MYO5C: variants seen among roughly 807,000 people sequenced by gnomAD.
MYO5C encodes the protein myosin VC.
A neutral mutation model predicts 235.7 loss-of-function variants in MYO5C; 194 were observed. The observed-to-expected ratio is 0.82, with a 90% CI of 0.73 to 0.93. MYO5C has a LOEUF of 0.93. MYO5C is among the 40% of genes least tolerant of loss of function. The pLI is 0.00. For missense variants in MYO5C, 2,038 were observed against 2,127.2 expected (o/e 0.96, Z 0.82); for synonymous variants, 707 against 754.8 (o/e 0.94, Z 1.04).
chr15:52,225,736 A>G (rs1322092473), intron 25 of MYO5C, among the ~76,000 whole-genome samples: 1 of 152,122 alleles, frequency 6.6e-6, no homozygotes, highest in Non-Finnish European at 1.5e-5. Context: ...TGCCAGATCT[A>G]ATGGGTTGTA....
In MYO5C at chr15:52,223,620, T is replaced by C. The variant is rs1678677992; in HGVS notation, c.3551A>G (p.Gln1184Arg). ...GTCATTTTCTTCTCTGAATAACTTC[T>C]GCAGGTGGTTGATTTCTTGACTGAG... ...VHLSQEINHL[Q>R]KLFREENDIN... is the part of the protein sequence containing the mutation. Residue 1184 changes from glutamine to arginine, a missense_variant, in exon 29 of 41, where the codon CAG becomes CGG. Gln to Arg is a conservative substitution (Grantham distance 43, BLOSUM62 1). Coordinates refer to ENST00000261839, the MANE Select transcript of MYO5C (RefSeq NM_018728.4). 5 of 1,614,210 alleles carry C rather than the reference T, an allele frequency of 3.1e-6. No homozygotes were observed. The highest frequency in any genetic ancestry group is 1.6e-4 in the Middle Eastern group (1 of 6,062).
chr15:52,252,059 C>A, intron 12 of MYO5C, among the ~76,000 whole-genome samples: 1 of 152,016 alleles, frequency 6.6e-6, no homozygotes, highest in East Asian at 1.9e-4. Context: ...TGACAAATAA[C>A]AATTATATAT....
rs111672313 is a variant in MYO5C at position 52,279,576 on chromosome 15, G to A, written c.237C>T (p.His79=). 2,073 of 1,614,152 alleles carry A rather than the reference G, an allele frequency of 1.3e-3. 3 individuals are homozygous for A. The highest frequency in any genetic ancestry group is 1.6e-3 in the Non-Finnish European group (1,921 of 1,179,984). ...ENDLTALSYL[H]EPAVLHNLRI... The stretch of plus-strand genomic sequence containing the variant: ...TGAGGTTGTGGAGCACCGCGGGCTC[G>A]TGAAGATAGCTGAGAGCCGTGAGGT... Residue 79 remains histidine (H), a synonymous_variant, in exon 3 of 41, where the codon CAC becomes CAT. Coordinates refer to ENST00000261839, the MANE Select transcript of MYO5C (RefSeq NM_018728.4).
At chr15:52,277,130 G>A in intron 4 of MYO5C, 1 of 520,072 alleles carries the variant, frequency 1.9e-6, no homozygotes, top group Non-Finnish European at 4.0e-6. Context: ...CATGCTCAGT[G>A]TCCCTCAGGG....
chr15:52,228,567 A>C (rs2035881331), intron 25 of MYO5C, among the ~76,000 whole-genome samples: 1 of 152,240 alleles, frequency 6.6e-6, no homozygotes, highest in Admixed American at 6.5e-5. Context: ...TTGATGTTAT[A>C]ATTTATGAAT....
At chr15:52,248,818 G>T in intron 13 of MYO5C, 35 bp from the exon 14 acceptor site, 1 of 1,461,260 alleles carries the variant, frequency 6.8e-7, no homozygotes, top group Admixed American at 1.7e-5. Context: ...TTCCCAAAGA[G>T]GCCAAAGAAT....
chr15:52,220,768 A>G (rs2035662203), intron 30 of MYO5C, among the ~76,000 whole-genome samples: 1 of 151,768 alleles, frequency 6.6e-6, no homozygotes, highest in South Asian at 2.1e-4. Context: ...CGGAGGCTCC[A>G]GTGAGCCGAA....
At chr15:52,227,141 ACT>A (rs1367804898) in intron 25 of MYO5C, among the ~76,000 whole-genome samples, 1 of 150,310 alleles carries the variant, frequency 6.7e-6, no homozygotes, top group East Asian at 2.0e-4. Context: ...CAAGAGCAAA[ACT>A]CTGTCTCAAA....
chr15:52,284,831 C>G (rs28679378), intron 1 of MYO5C, among the ~76,000 whole-genome samples: 8,184 of 127,134 alleles, frequency 0.064, 449 homozygotes, highest in African/African-American at 0.15. Flanking sequence ...AATTCTTTTT[C>G]TTTCTTTCTT....
chr15:52,237,865 T>C (rs897971781), intron 21 of MYO5C, among the ~76,000 whole-genome samples: 1 of 152,144 alleles, frequency 6.6e-6, no homozygotes, highest in Non-Finnish European at 1.5e-5. Context: ...GCTATTTTAA[T>C]GTGGGAAGTT....
chr15:52,210,954 G>T (rs2035429141), intron 35 of MYO5C, among the ~76,000 whole-genome samples: 1 of 152,202 alleles, frequency 6.6e-6, no homozygotes, highest in Admixed American at 6.5e-5. Context: ...TGCTCATAAA[G>T]AGTTCAGTTG....
chr15:52,246,638 A>C (rs1056024578), intron 16 of MYO5C, among the ~76,000 whole-genome samples: 1 of 152,196 alleles, frequency 6.6e-6, no homozygotes, highest in Non-Finnish European at 1.5e-5. Context: ...ACAAACACAC[A>C]TACTCATTCT....
chr15:52,234,866 G>T (rs1448049280), intron 23 of MYO5C, among the ~76,000 whole-genome samples: 1 of 152,200 alleles, frequency 6.6e-6, no homozygotes, highest in Non-Finnish European at 1.5e-5. Flanking sequence ...TGGGCTAGAG[G>T]TGCGTGTAGA....
chr15:52,241,048 C>G (rs1566975494), intron 20 of MYO5C, among the ~76,000 whole-genome samples: 1 of 152,292 alleles, frequency 6.6e-6, no homozygotes, highest in East Asian at 1.9e-4. Flanking sequence ...TCACCCTTTT[C>G]TGAGTCTAAA....
In MYO5C at chr15:52,212,607, T is replaced by C. The variant is rs116258412; in HGVS notation, c.4141+581A>G. Among the ~76,000 whole-genome samples the C allele has an allele frequency of 6.6e-3, 1,002 of 152,312 alleles. 15 individuals are homozygous for C. The highest frequency in any genetic ancestry group is 0.023 in the African/African-American group (958 of 41,556). On this transcript the variant is annotated intron_variant, in intron 34 of 40. Coordinates refer to ENST00000261839, the MANE Select transcript of MYO5C (RefSeq NM_018728.4). ...ACAGGGAGGCAGATTTTTCTCCCTA[T>C]GCCAGAAAACCACGTGGAAGGTCAC...
At chr15:52,251,929 G>C (rs1014548159) in intron 12 of MYO5C, among the ~76,000 whole-genome samples, 2 of 152,166 alleles carry the variant, frequency 1.3e-5, no homozygotes, top group Non-Finnish European at 2.9e-5. Context: ...CCTCCCCAAA[G>C]TGCTGGGGTT....
Position 52,248,770 on chromosome 15 carries a change from C to T in MYO5C, c.1676G>A (p.Cys559Tyr), listed in dbSNP as rs2036408568. Reference protein sequence around the residue: ...QHFADKVEYKCEGFLEKNRDT... With the variant: ...QHFADKVEYKYEGFLEKNRDT... ...TCTGTTTTTCTCCAGGAAACCTTCA[C>T]ATTTATACTCTACCTATACAGAGAA... Residue 559 changes from cysteine to tyrosine, a missense_variant, in exon 14 of 41, where the codon TGT (cysteine) becomes TAT (tyrosine). Coordinates refer to ENST00000261839, the MANE Select transcript of MYO5C (RefSeq NM_018728.4). 1.2e-6 allele frequency: 2 copies of T among 1,612,990 alleles called. No individual in the cohort carries two copies. Among genetic ancestry groups the T allele is most frequent in the African/African-American group, 1.3e-5 (1 of 75,034 alleles).
chr15:52,222,972 A>G (rs2141288387), intron 29 of MYO5C, among the ~76,000 whole-genome samples: 1 of 152,158 alleles, frequency 6.6e-6, no homozygotes, highest in East Asian at 1.9e-4. Context: ...CCACATAGTG[A>G]AACCCTGTCT....
chr15:52,214,048 GA>G lies in MYO5C; in HGVS notation c.4042+554del, dbSNP rs1464570846. Among the ~76,000 whole-genome samples, 10 of 152,314 alleles carry G rather than the reference GA, an allele frequency of 6.6e-5. No individual in the cohort carries two copies. In the East Asian group the frequency reaches 1.9e-3, roughly 29 times the overall value. Reference sequence around the variant, plus strand: ...TTGGCAGTAAGGCTGGGAGGAAGGGGAAAAGGTAATAAAGAATGAAAGAGTG... The same window carrying G: ...TTGGCAGTAAGGCTGGGAGGAAGGGGAAAGGTAATAAAGAATGAAAGAGTG... On this transcript the variant is annotated intron_variant, in intron 33 of 40. Coordinates refer to ENST00000261839, the MANE Select transcript of MYO5C (RefSeq NM_018728.4).
Sources: gnomAD v4.1 joint callset for allele counts (sites outside exome capture counted in the v4.1 genomes callset) on GRCh38, gnomAD v4.1.1 for gene constraint, MANE v1.5 for transcripts, NCBI Gene and HGNC (gene_info 2026-07-23, HGNC 2026-07-21) for gene names.